TRPC4AP: variants seen among roughly 807,000 people sequenced by gnomAD.
TRPC4AP encodes the protein transient receptor potential cation channel subfamily C member 4 associated protein.
Under a neutral mutation model 99.0 loss-of-function variants are expected in TRPC4AP, and 45 were observed. The observed-to-expected ratio is 0.45, with a 90% CI of 0.36 to 0.58. The LOEUF (loss-of-function observed/expected upper bound fraction) is 0.58. TRPC4AP is among the 20% of genes least tolerant of loss of function. TRPC4AP has a pLI of 0.00. For synonymous variants in TRPC4AP, 408 were observed against 385.8 expected (o/e 1.06, Z -0.67); for missense variants, 879 against 985.3 (o/e 0.89, Z 1.44).
chr20:35,013,450 C>T (rs1030282588), intron 10 of TRPC4AP, among the ~76,000 whole-genome samples: 1 of 152,036 alleles, frequency 6.6e-6, no homozygotes, highest in African/African-American at 2.4e-5. Flanking sequence ...ATAGTTGCTG[C>T]GCCTGTAATT....
intron 7 of TRPC4AP, among the ~76,000 whole-genome samples, chr20:35,043,219 G>T (rs945838136): frequency 2.0e-5 from 3 of 150,456 alleles, no homozygotes; most frequent in Non-Finnish European, 4.4e-5. Context: ...CTAGTCTTTT[G>T]TTATTACAAA....
At chr20:35,052,071 G>C (rs1199924933) in intron 5 of TRPC4AP, among the ~76,000 whole-genome samples, 2 of 150,198 alleles carry the variant, frequency 1.3e-5, no homozygotes, top group Non-Finnish European at 3.0e-5. Context: ...TTTTTTCCAT[G>C]TAACATTCAT....
intron 2 of TRPC4AP, 48 bp from the exon 3 acceptor site, chr20:35,069,460 A>G (rs1452921829): frequency 8.5e-7 from 1 of 1,183,150 alleles, no homozygotes; most frequent in Non-Finnish European, 1.3e-6. Context: ...TAACCAACAC[A>G]GACCAGACAC....
chr20:35,057,432 G>C, intron 4 of TRPC4AP, 82 bp downstream of exon 4: 1 of 1,135,454 alleles, frequency 8.8e-7, no homozygotes. Flanking sequence ...GTTAGGAAGG[G>C]AAGGAAGAAG....
Position 35,086,515 on chromosome 20 carries a change from G to GTATATATATA in TRPC4AP, c.168+6098_168+6099insTATATATATA, listed in dbSNP as rs1569157834. On this transcript the variant is annotated intron_variant, in intron 1 of 18. Coordinates refer to ENST00000252015, the MANE Select transcript of TRPC4AP (RefSeq NM_015638.3). Reference sequence around the variant, plus strand: ...TATATATGTGTATATATATGTGTGTGTGTGTATATATGTGTGTGTGTGTGT... The same window carrying GTATATATATA: ...TATATATGTGTATATATATGTGTGTGTATATATATATGTGTATATATGTGTGTGTGTGTGT... 2.3e-3 allele frequency among the ~76,000 whole-genome samples: 92 copies of GTATATATATA among 40,204 alleles called. 6 individuals carry two copies. The highest frequency in any genetic ancestry group is 4.2e-3 in the African/African-American group (58 of 13,858). 26.4% of individuals were successfully genotyped at this position (40,204 alleles called of 152,430 possible).
In TRPC4AP at chr20:35,069,418, T is replaced by A; in HGVS notation, c.298-6A>T. 1 of 1,571,098 alleles carries A rather than the reference T, an allele frequency of 6.4e-7. No individual in the cohort carries two copies. The highest frequency in any genetic ancestry group is 1.1e-5 in the South Asian group (1 of 88,874). On this transcript the variant is annotated splice_polypyrimidine_tract_variant and splice_region_variant and intron_variant, in intron 2 of 18. Transcript: ENST00000252015. ...GAGAGAAGAGGAGAAATTTCCTAGT[T>A]TTTTTAAAAAAAAGTACATACATTG...
chr20:35,023,912 C>T (rs1322978877), intron 8 of TRPC4AP, among the ~76,000 whole-genome samples: 1 of 152,238 alleles, frequency 6.6e-6, no homozygotes, highest in Admixed American at 6.5e-5. Flanking sequence ...GCCTGGCTTG[C>T]GCAGGCCTGA....
chr20:35,069,030 C>A (rs1182934477), intron 3 of TRPC4AP, among the ~76,000 whole-genome samples: 2 of 150,890 alleles, frequency 1.3e-5, no homozygotes, highest in Non-Finnish European at 1.5e-5. Context: ...GTAATCACAA[C>A]TGGTTCTGAG....
chr20:35,022,107 C>T (rs192568807), intron 8 of TRPC4AP, among the ~76,000 whole-genome samples: 120 of 150,712 alleles, frequency 8.0e-4, no homozygotes, highest in African/African-American at 2.8e-3. Flanking sequence ...TGAATGGGAA[C>T]GTAAGAGAAG....
intron 3 of TRPC4AP, among the ~76,000 whole-genome samples, chr20:35,060,486 G>T (rs1490196299): frequency 6.7e-6 from 1 of 149,818 alleles, no homozygotes; most frequent in Non-Finnish European, 1.5e-5. Context: ...AGCTACTCAG[G>T]AGGCCGAGAT....
chr20:35,017,060 G>C (rs768387317), intron 9 of TRPC4AP, among the ~76,000 whole-genome samples: 5 of 152,064 alleles, frequency 3.3e-5, no homozygotes, highest in Non-Finnish European at 7.3e-5. Flanking sequence ...TTTACACTCA[G>C]ACAGATCCAT....
At chr20:35,021,615 C>G (rs1488894362) in intron 8 of TRPC4AP, among the ~76,000 whole-genome samples, 1 of 152,212 alleles carries the variant, frequency 6.6e-6, no homozygotes, top group Non-Finnish European at 1.5e-5. Flanking sequence ...ACAGCCAATA[C>G]AGTAACATGA....
At chr20:35,083,467 G>C (rs937575452) in intron 1 of TRPC4AP, among the ~76,000 whole-genome samples, 1 of 151,692 alleles carries the variant, frequency 6.6e-6, no homozygotes, top group Non-Finnish European at 1.5e-5. Context: ...AAATTAGCTG[G>C]GCGTGATGGT....
In TRPC4AP at chr20:35,005,811, G is replaced by T. The variant is rs1279061904; in HGVS notation, c.1828-8C>A. 1 of 1,613,662 alleles carries T rather than the reference G, an allele frequency of 6.2e-7. No individual in the cohort carries two copies. Among genetic ancestry groups the T allele is most frequent in the Non-Finnish European group, 8.5e-7 (1 of 1,179,706 alleles). On this transcript the variant is annotated splice_region_variant and splice_polypyrimidine_tract_variant and intron_variant, in intron 15 of 18. Transcript: ENST00000252015. ...CTTCAGGAATACCTGGAACTATACA[G>T]AAACCAAGCTCACAGCAGGCAGTGG...
chr20:35,059,784 TGAAGAA>T (rs67550472), intron 3 of TRPC4AP, among the ~76,000 whole-genome samples: 2 of 149,282 alleles, frequency 1.3e-5, no homozygotes, highest in African/African-American at 4.9e-5. Context: ...ACAAAGAAGA[TGAAGAA>T]GAAGGCGAAG....
chr20:35,085,151 G>T (rs2084803975), intron 1 of TRPC4AP, among the ~76,000 whole-genome samples: 1 of 152,212 alleles, frequency 6.6e-6, no homozygotes, highest in South Asian at 2.1e-4. Flanking sequence ...ACACTGAACA[G>T]CATTAGGAGT....
At position 35,090,377 on chromosome 20, in the gene TRPC4AP, C is replaced by CTTTTT. The variant is rs71196792; in HGVS notation, c.168+2232_168+2236dup. On this transcript the variant is annotated intron_variant, in intron 1 of 18. Transcript: ENST00000252015. Reference sequence around the variant, plus strand: ...TTCCAGCAGCCTTGTATCTGGTGAGCTTTTTTTTTTTTTTTTTGAGATGAA... The same window carrying CTTTTT: ...TTCCAGCAGCCTTGTATCTGGTGAGCTTTTTTTTTTTTTTTTTTTTTTGAGATGAA... Among the ~76,000 whole-genome samples the CTTTTT allele has an allele frequency of 9.9e-4, 88 of 88,972 alleles. 8 individuals are homozygous for CTTTTT. Among genetic ancestry groups the CTTTTT allele is most frequent in the African/African-American group, 2.0e-3 (44 of 21,608 alleles). 58.4% of individuals were successfully genotyped at this position (88,972 alleles called of 152,430 possible).
chr20:35,083,962 T>TAA (rs202216379), intron 1 of TRPC4AP, among the ~76,000 whole-genome samples: 1 of 140,368 alleles, frequency 7.1e-6, no homozygotes, highest in Non-Finnish European at 1.6e-5. Context: ...ATGATTTCTT[T>TAA]AAAAAAAAAA....
rs545308407 is a variant in TRPC4AP, at chr20:35,029,711, C to T, written c.1051+5412G>A. ...AGTGCAGTGGCGCGATCTCGGTTCA[C>T]TGCAAGCTCCGCCTCCTGGGTTCAC... On this transcript the variant is annotated intron_variant, in intron 8 of 18. Coordinates refer to ENST00000252015, the MANE Select transcript of TRPC4AP (RefSeq NM_015638.3). Among the ~76,000 whole-genome samples the T allele has an allele frequency of 6.0e-5, 8 of 132,246 alleles. 1 individual carries two copies. The South Asian group carries it at 2.0e-3, about 33-fold the overall frequency. The allele number at this position is 132,246 out of a possible 152,430, so 86.8% of individuals were successfully genotyped here.
Sources: allele counts gnomAD v4.1 joint callset (sites outside exome capture counted in the v4.1 genomes callset), GRCh38; gene constraint gnomAD v4.1.1; transcripts MANE v1.5; gene names NCBI Gene and HGNC (gene_info 2026-07-23, HGNC 2026-07-21).